The following PRIM2 variants were observed in gnomAD, a reference collection of about 807,000 sequenced individuals.
PRIM2 encodes DNA primase subunit 2.
In PRIM2, 39 loss-of-function variants were observed where a neutral mutation model predicts 67.3. The ratio of observed to expected loss-of-function variants is 0.58; its 90% CI spans 0.45 to 0.76. The LOEUF (loss-of-function observed/expected upper bound fraction) is 0.76, where lower values mean the gene tolerates loss of function less well. Ranked by LOEUF, PRIM2 falls within the 30% of genes least tolerant of loss-of-function variation. The pLI is 0.00. For missense variants in PRIM2, 398 were observed against 598.7 expected (o/e 0.66, Z 3.50); for synonymous variants, 143 against 198.7 (o/e 0.72, Z 2.36).
At chr6:57,468,854 A>G (rs1408651939) in intron 7 of PRIM2, among the ~76,000 whole-genome samples, 3 of 152,204 alleles carry the variant, frequency 2.0e-5, no homozygotes, top group Non-Finnish European at 2.9e-5. Flanking sequence ...CCATTTCTTC[A>G]TGTATGTTCA....
Position 57,363,832 on chromosome 6 carries a change from G to A in PRIM2, c.460-16069G>A, listed in dbSNP as rs994950160. 3.2e-3 allele frequency among the ~76,000 whole-genome samples: 490 copies of A among 152,170 alleles called. 2 individuals carry two copies. Among genetic ancestry groups the A allele is most frequent in the Non-Finnish European group, 4.5e-3 (304 of 67,996 alleles). On this transcript the variant is annotated intron_variant, in intron 5 of 13. Transcript: ENST00000615550. ...TTCTGGAAAATTCTCAGCCATTATT[G>A]CTTTTAAACTTCCCTCTACCTGTTC...
intron 7 of PRIM2, among the ~76,000 whole-genome samples, chr6:57,415,144 A>G (rs1321156096): frequency 6.6e-6 from 1 of 152,200 alleles, no homozygotes; most frequent in African/African-American, 2.4e-5. Context: ...TCCAAGAGCT[A>G]TGTCAGTTCA....
chr6:57,348,429 G>A (rs1768748699), intron 5 of PRIM2, among the ~76,000 whole-genome samples: 1 of 152,068 alleles, frequency 6.6e-6, no homozygotes, highest in East Asian at 1.9e-4. Context: ...ATTTTAATAG[G>A]CCAGGAAAAG....
the PRIM2 span, among the ~76,000 whole-genome samples, chr6:57,233,357 T>C: frequency 6.6e-6 from 1 of 152,204 alleles, no homozygotes; most frequent in African/African-American, 2.4e-5. Flanking sequence ...CAAAGATACA[T>C]AAAACATTGT....
the PRIM2 span, among the ~76,000 whole-genome samples, chr6:57,239,420 C>T: frequency 6.6e-6 from 1 of 152,090 alleles, no homozygotes; most frequent in Non-Finnish European, 1.5e-5. Context: ...TCTAGTTTTA[C>T]CACTTCTTTT....
rs896672723 is a variant in PRIM2, at chr6:57,446,900, G to A, written c.694-60487G>A. Among the ~76,000 whole-genome samples the A allele has an allele frequency of 9.2e-4, 140 of 152,316 alleles. 1 individual carries two copies. The highest frequency in any genetic ancestry group is 1.8e-3 in the Non-Finnish European group (123 of 68,018). On this transcript the variant is annotated intron_variant, in intron 7 of 13. Transcript: ENST00000615550. ...GGGAAGGTAGAAGTTGGGCTGGAAG[G>A]AGATGTTGGTCCAGATCTGGGTACA...
At chr6:57,366,927 C>T (rs2127319152) in intron 5 of PRIM2, among the ~76,000 whole-genome samples, 1 of 152,036 alleles carries the variant, frequency 6.6e-6, no homozygotes, top group African/African-American at 2.4e-5. Flanking sequence ...ATTAAATTAC[C>T]TATTTTTTTT....
At chr6:57,462,287 A>G (rs1220885863) in intron 7 of PRIM2, among the ~76,000 whole-genome samples, 3 of 152,234 alleles carry the variant, frequency 2.0e-5, no homozygotes, top group African/African-American at 4.8e-5. Context: ...GAGGAAATGG[A>G]GAAAAGATAA....
the PRIM2 span, among the ~76,000 whole-genome samples, chr6:57,234,672 T>C: frequency 6.6e-6 from 1 of 152,062 alleles, no homozygotes; most frequent in Admixed American, 6.6e-5. Context: ...TACAGGTGCA[T>C]ACCACCATGC....
At position 57,466,274 on chromosome 6, in the gene PRIM2, A is replaced by G. The variant is rs1256608542; in HGVS notation, c.694-41113A>G. On this transcript the variant is annotated intron_variant, in intron 7 of 13. Transcript: ENST00000615550. The stretch of plus-strand genomic sequence containing the variant: ...CTTTGCTATTGTGAACAGTGCTGCA[A>G]TAAACATACATGTGCATGTGTCTTT... Among the ~76,000 whole-genome samples, 194 of 152,330 alleles carry G rather than the reference A, an allele frequency of 1.3e-3. 5 individuals are homozygous for G. In the East Asian group the frequency reaches 0.016, roughly 13 times the overall value.
At chr6:57,583,152 G>A (rs1776128193) in intron 10 of PRIM2, among the ~76,000 whole-genome samples, 1 of 146,096 alleles carries the variant, frequency 6.8e-6, no homozygotes, top group Non-Finnish European at 1.5e-5. Flanking sequence ...ATTCCATGGT[G>A]TATATGTGCC....
chr6:57,485,234 C>T (rs1410089945), intron 7 of PRIM2, among the ~76,000 whole-genome samples: 8 of 151,362 alleles, frequency 5.3e-5, no homozygotes, highest in African/African-American at 1.7e-4. Flanking sequence ...GGCAGCTTGA[C>T]CCAAATTGAA....
chr6:57,241,223 CAA>C, the PRIM2 span, among the ~76,000 whole-genome samples: 3 of 95,868 alleles, frequency 3.1e-5, no homozygotes, highest in African/African-American at 4.0e-5. Context: ...GACTCTGTCT[CAA>C]AAAAAAAAAA....
intron 7 of PRIM2, among the ~76,000 whole-genome samples, chr6:57,428,590 G>C (rs1771709478): frequency 1.3e-5 from 2 of 152,150 alleles, no homozygotes; most frequent in African/African-American, 4.8e-5. Context: ...ATGAGTGTTT[G>C]GGTTAGGGGA....
At position 57,318,458 on chromosome 6, in the gene PRIM2, G is replaced by A; in HGVS notation, c.13G>A (p.Gly5Arg). MEFS[G>R]RKWRKLRLAG... ...TAAGGTGACCAAGATGGAGTTTTCT[G>A]GAAGAAAGTGGAGGAAGCTGAGGTT... Residue 5 changes from glycine to arginine, a missense_variant, in exon 2 of 14, where the codon GGA (glycine) becomes AGA (arginine). By Grantham distance (125) the Gly-to-Arg change is moderately radical. Transcript: ENST00000615550. 6.2e-7 allele frequency: 1 copy of A among 1,611,378 alleles called. No individual in the cohort carries two copies. Among genetic ancestry groups the A allele is most frequent in the Non-Finnish European group, 8.5e-7 (1 of 1,178,850 alleles).
At chr6:57,532,836 G>A (rs1774921011) in intron 9 of PRIM2, among the ~76,000 whole-genome samples, 1 of 152,214 alleles carries the variant, frequency 6.6e-6, no homozygotes, top group Admixed American at 6.5e-5. Context: ...TCATGACAAC[G>A]GAAATTTATT....
chr6:57,264,594 C>CTTTTTTT, the PRIM2 span, among the ~76,000 whole-genome samples: 2 of 107,030 alleles, frequency 1.9e-5, no homozygotes, highest in African/African-American at 8.1e-5. Context: ...AAGTCAAACG[C>CTTTTTTT]TTTTTTTTTT....
At chr6:57,296,742 T>C in the PRIM2 span, among the ~76,000 whole-genome samples, 5 of 152,262 alleles carry the variant, frequency 3.3e-5, 1 homozygote, top group East Asian at 9.6e-4. Flanking sequence ...CCAACGAGCA[T>C]GCCTAGCAAC....
upstream of PRIM2, among the ~76,000 whole-genome samples, chr6:57,311,441 G>T (rs1005658696): frequency 2.0e-5 from 3 of 150,082 alleles, no homozygotes; most frequent in Non-Finnish European, 4.4e-5. Flanking sequence ...GGGCAGCCGG[G>T]CAGAGGTGCT....
Sources: allele counts gnomAD v4.1 joint callset (sites outside exome capture counted in the v4.1 genomes callset), GRCh38; gene constraint gnomAD v4.1.1; transcripts MANE v1.5; gene names NCBI Gene and HGNC (gene_info 2026-07-23, HGNC 2026-07-21).